The following GFPT2 variants were observed in gnomAD, a reference collection of about 807,000 sequenced individuals.
GFPT2 encodes the protein glutamine--fructose-6-phosphate aminotransferase [isomerizing] 2.
In GFPT2, 62 loss-of-function variants were observed where a neutral mutation model predicts 85.6. That is an observed-to-expected ratio of 0.72 (90% CI 0.59 to 0.90). The LOEUF is 0.90. GFPT2 is among the 40% of genes least tolerant of loss of function. The pLI, the probability that GFPT2 is intolerant of heterozygous loss-of-function variation, is 0.00. For synonymous variants in GFPT2, 368 were observed against 344.5 expected, an observed-to-expected ratio of 1.07 and a Z score of -0.75; for missense variants, 788 against 893.4, an observed-to-expected ratio of 0.88 and a Z score of 1.50.
In GFPT2 at chr5:180,338,555, T is replaced by C; in HGVS notation, c.53A>G (p.Glu18Gly). The change falls in exon 2 of 19, where the codon GAG (glutamate) becomes GGG (glycine). Residue 18 changes from glutamate to glycine, a missense_variant. Coordinates refer to ENST00000253778, the MANE Select transcript of GFPT2 (RefSeq NM_005110.4). Reference protein sequence around the residue: ...MNYRVPRTRKEIFETLIKGLQ... With the variant: ...MNYRVPRTRKGIFETLIKGLQ... Reference sequence around the variant, plus strand: ...GCCCTTGATGAGGGTTTCGAAGATCTCCTTCCTCGTCCGGGGGACTCTGTA... The same window carrying C: ...GCCCTTGATGAGGGTTTCGAAGATCCCCTTCCTCGTCCGGGGGACTCTGTA... The C allele has an allele frequency of 6.2e-7, 1 of 1,612,434 alleles. No homozygotes were observed. Among genetic ancestry groups the C allele is most frequent in the Non-Finnish European group, 8.5e-7 (1 of 1,178,478 alleles).
chr5:180,330,149 T>C lies in GFPT2; in HGVS notation c.534+551A>G, dbSNP rs958199245. On this transcript the variant is annotated intron_variant, in intron 6 of 18. Transcript: ENST00000253778. This position sits in a 1 kb window ranked among gnomAD's most constrained non-coding sequence, Gnocchi z 4.4. ...CAGCCTGGTCAACATAGTGAAACCC[T>C]GTCTCTACTAAAAGTACAAAAATTA... Among the ~76,000 whole-genome samples the C allele has an allele frequency of 2.6e-5, 4 of 152,154 alleles. No individual in the cohort carries two copies. Among genetic ancestry groups the C allele is most frequent in the African/African-American group, 9.7e-5 (4 of 41,432 alleles).
chr5:180,331,489 T>C lies in GFPT2; in HGVS notation c.399+6A>G, dbSNP rs771959664. On this transcript the variant is annotated splice_donor_region_variant and intron_variant, in intron 5 of 18. Coordinates refer to ENST00000253778, the MANE Select transcript of GFPT2 (RefSeq NM_005110.4). ...ACTGAGACATCACCTAGGGGAAGCATCTTACCAGAAATTTCCTCAGATCTT... is the reference window on the plus strand; with the variant it reads ...ACTGAGACATCACCTAGGGGAAGCACCTTACCAGAAATTTCCTCAGATCTT... 6.5e-7 allele frequency: 1 copy of C among 1,538,770 alleles called. No homozygotes were observed. Among genetic ancestry groups the C allele is most frequent in the Non-Finnish European group, 9.0e-7 (1 of 1,111,126 alleles).
At chr5:180,321,972 A>G (rs749085517) in intron 9 of GFPT2, among the ~76,000 whole-genome samples, 5 of 151,580 alleles carry the variant, frequency 3.3e-5, no homozygotes, top group Non-Finnish European at 7.4e-5. Flanking sequence ...TATTTTTAGT[A>G]GAAACCGGGT....
chr5:180,351,042 G>A (rs1186705899), intron 1 of GFPT2, among the ~76,000 whole-genome samples: 3 of 152,208 alleles, frequency 2.0e-5, no homozygotes, highest in African/African-American at 7.2e-5. Context: ...GCATCTTCAC[G>A]ATTCTTGCAG....
Position 180,328,479 on chromosome 5 carries a change from G to A in GFPT2, c.535-141C>T, listed in dbSNP as rs915424924. The A allele has an allele frequency of 4.3e-5, 28 of 649,294 alleles. No homozygotes were observed. The highest frequency in any genetic ancestry group is 3.6e-5 in the African/African-American group (2 of 54,820). 40.2% of individuals were successfully genotyped at this position (649,294 alleles called of 1,614,324 possible). On this transcript the variant is annotated intron_variant, in intron 6 of 18. Transcript: ENST00000253778. This position sits in a 1 kb window ranked among gnomAD's most constrained non-coding sequence, Gnocchi z 5.4. The stretch of plus-strand genomic sequence containing the variant: ...CTCGGGGAGCTGAGTGCAGAACAGC[G>A]CATCCGGGGTGACATCACGAGGGAA...
intron 9 of GFPT2, among the ~76,000 whole-genome samples, chr5:180,321,038 G>A (rs1032884367): frequency 1.3e-5 from 2 of 152,210 alleles, no homozygotes. Context: ...CGTATGCTTT[G>A]TATAAAAGTG....
chr5:180,321,479 C>T (rs995685037), intron 9 of GFPT2, among the ~76,000 whole-genome samples: 4 of 152,244 alleles, frequency 2.6e-5, no homozygotes, highest in African/African-American at 9.6e-5. Context: ...CATACATAAC[C>T]CCCTGGAGTT....
At chr5:180,305,087 G>T in intron 16 of GFPT2, 148 bp from the exon 17 acceptor site, 1 of 661,142 alleles carries the variant, frequency 1.5e-6, no homozygotes, top group South Asian at 1.8e-5. Context: ...TGGAGTGCTT[G>T]ACAGCACTGA....
chr5:180,300,706 A>G lies in GFPT2; in HGVS notation c.*858T>C, dbSNP rs77155114. On this transcript the variant is annotated 3_prime_UTR_variant, in exon 19 of 19. Coordinates refer to ENST00000253778, the MANE Select transcript of GFPT2 (RefSeq NM_005110.4). ...ATGCAAACACACACAAAAAAACTGTATGTTCTTTATTGTCCTAAAATTGCA... is the reference window on the plus strand; with the variant it reads ...ATGCAAACACACACAAAAAAACTGTGTGTTCTTTATTGTCCTAAAATTGCA... 0.031 allele frequency: 4,674 copies of G among 152,758 alleles called. 133 individuals carry two copies. Among genetic ancestry groups the G allele is most frequent in the East Asian group, 0.1 (526 of 5,184 alleles). The allele number at this position is 152,758 out of a possible 1,614,324, so 9.5% of individuals were successfully genotyped here. A position where few individuals can be genotyped will look rare whatever the true frequency, so the allele number is the denominator to read the frequency against.
At chr5:180,310,011 C>T (rs1263726717) in intron 15 of GFPT2, among the ~76,000 whole-genome samples, 2 of 150,778 alleles carry the variant, frequency 1.3e-5, no homozygotes, top group African/African-American at 4.9e-5. Context: ...GGGGTTTCAC[C>T]ATGTTAGCCA....
Position 180,324,765 on chromosome 5 carries a change from G to C in GFPT2, c.676+51C>G, listed in dbSNP as rs751700616. On this transcript the variant is annotated intron_variant, in intron 8 of 18. Coordinates refer to ENST00000253778, the MANE Select transcript of GFPT2 (RefSeq NM_005110.4). ...CTGACTGTGCCAGAGCAGCTGCCGA[G>C]TCCTGCGACACCAGCAGCTGTGCTG... 14 of 1,207,472 alleles carry C rather than the reference G, an allele frequency of 1.2e-5. 1 individual carries two copies. In the East Asian group the frequency reaches 3.3e-4, roughly 28 times the overall value. 74.8% of individuals were successfully genotyped at this position (1,207,472 alleles called of 1,614,324 possible). A position where few individuals can be genotyped will look rare whatever the true frequency, so the allele number is the denominator to read the frequency against.
At chr5:180,341,744 A>G (rs1764520142) in intron 1 of GFPT2, among the ~76,000 whole-genome samples, 1 of 152,194 alleles carries the variant, frequency 6.6e-6, no homozygotes, top group African/African-American at 2.4e-5. Flanking sequence ...AGCTGAATGT[A>G]TGGGCTGTGT....
chr5:180,352,694 G>A (rs2127659867), intron 1 of GFPT2: 4 of 426,638 alleles, frequency 9.4e-6, no homozygotes, highest in South Asian at 4.8e-5. Flanking sequence ...CCTGCCTGAG[G>A]CACTGACGCA....
Position 180,344,030 on chromosome 5 carries a change from G to A in GFPT2, c.8-5430C>T, listed in dbSNP as rs954872788. Among the ~76,000 whole-genome samples, 6 of 152,336 alleles carry A rather than the reference G, an allele frequency of 3.9e-5. No individual in the cohort carries two copies. In the South Asian group the frequency reaches 6.2e-4, roughly 16 times the overall value. On this transcript the variant is annotated intron_variant, in intron 1 of 18. Transcript: ENST00000253778. ...GCTCTTGTGGTTGCCAAAGACTAGTGACAGTCTGATGTCTGGCAAGCGACA... is the reference window on the plus strand; with the variant it reads ...GCTCTTGTGGTTGCCAAAGACTAGTAACAGTCTGATGTCTGGCAAGCGACA...
At chr5:180,350,997 C>A (rs937091463) in intron 1 of GFPT2, among the ~76,000 whole-genome samples, 12 of 152,200 alleles carry the variant, frequency 7.9e-5, no homozygotes, top group Admixed American at 3.3e-4. Context: ...GCTTCCCCAG[C>A]GTAAAGTGAA....
intron 1 of GFPT2, among the ~76,000 whole-genome samples, chr5:180,351,475 T>A (rs2127659486): frequency 6.9e-6 from 1 of 144,812 alleles, no homozygotes; most frequent in Non-Finnish European, 1.5e-5. Context: ...AGAAGGCACC[T>A]AAGCCAGCAC....
chr5:180,320,183 G>A (rs1421430540), intron 9 of GFPT2, among the ~76,000 whole-genome samples: 2 of 151,824 alleles, frequency 1.3e-5, no homozygotes, highest in South Asian at 2.1e-4. Context: ...TAGGAGAGAC[G>A]GGGTTTCACC....
In GFPT2 at chr5:180,324,268, C is replaced by A; in HGVS notation, c.714G>T (p.Arg238=). Residue 238 remains arginine (R), a synonymous_variant, in exon 9 of 19, where the codon CGG becomes CGT. Transcript: ENST00000253778. ...AGGCGGAGCTGTCCAGCCTCTTCATCCGTGTCTTACAGATATTCTTCACAT... is the reference window on the plus strand; with the variant it reads ...AGGCGGAGCTGTCCAGCCTCTTCATACGTGTCTTACAGATATTCTTCACAT... ...LENVKNICKT[R]MKRLDSSACL... 6.2e-7 allele frequency: 1 copy of A among 1,611,202 alleles called. No individual in the cohort carries two copies.
At chr5:180,324,152 T>G (rs778086424) in intron 9 of GFPT2, 36 bp downstream of exon 9, 8 of 1,115,554 alleles carry the variant, frequency 7.2e-6, no homozygotes, top group Non-Finnish European at 1.1e-5. Flanking sequence ...TTTGATTATG[T>G]AATCCCAGGA....
Sources: gnomAD v4.1 joint callset for allele counts (sites outside exome capture counted in the v4.1 genomes callset) on GRCh38, gnomAD v4.1.1 for gene constraint, Gnocchi (gnomAD v3.1) non-coding constraint, MANE v1.5 for transcripts, NCBI Gene and HGNC (gene_info 2026-07-23, HGNC 2026-07-21) for gene names.